The following SNAPC1 variants were observed in gnomAD, a reference collection of about 807,000 sequenced individuals.
SNAPC1 encodes the protein small nuclear RNA activating complex polypeptide 1, also known as snRNA-activating protein complex subunit 1.
A neutral mutation model predicts 50.1 loss-of-function variants in SNAPC1; 42 were observed. The observed-to-expected ratio is 0.84, with a 90% CI of 0.65 to 1.08. The LOEUF (loss-of-function observed/expected upper bound fraction) is 1.08, where lower values mean the gene tolerates loss of function less well. Ranked by LOEUF, SNAPC1 falls within the 50% of genes least tolerant of loss-of-function variation. SNAPC1 has a pLI of 0.00. For synonymous variants in SNAPC1, 164 were observed against 144.2 expected (o/e 1.14, Z -0.98); for missense variants, 477 against 427.3 (o/e 1.12, Z -1.02).
intron 4 of SNAPC1, among the ~76,000 whole-genome samples, chr14:61,772,155 A>G (rs1254680): frequency 1 from 152,229 of 152,242 alleles, 76,108 homozygotes; most frequent in Non-Finnish European, 1. Context: ...GGAGCGCAGT[A>G]GGGTGATCGT....
At chr14:61,768,544 A>G (rs1454427282) in intron 3 of SNAPC1, 92 bp from the exon 4 acceptor site, 4 of 683,042 alleles carry the variant, frequency 5.9e-6, no homozygotes, top group South Asian at 1.9e-5. Context: ...GTGTTTACTT[A>G]TAGACAATTT....
At chr14:61,767,516 T>C (rs1223806914) in intron 3 of SNAPC1, among the ~76,000 whole-genome samples, 164 bp downstream of exon 3, 1 of 151,528 alleles carries the variant, frequency 6.6e-6, no homozygotes, top group Non-Finnish European at 1.5e-5. Context: ...CAGGCTGGAG[T>C]GCAGTGGCAC....
rs1038416168 is a variant in SNAPC1, at chr14:61,778,046, T to C, written c.694-26T>C. 10 of 1,234,864 alleles carry C rather than the reference T, an allele frequency of 8.1e-6. No homozygotes were observed. In the African/African-American group the frequency reaches 1.5e-4, roughly 19 times the overall value. 76.5% of individuals were successfully genotyped at this position (1,234,864 alleles called of 1,614,324 possible). A position where few individuals can be genotyped will look rare whatever the true frequency, so the allele number is the denominator to read the frequency against. ...TTGTAAATTTGTATGTGTGTATGTG[T>C]GTATGTATCTTTTTTGCTCTTTTAG... On this transcript the variant is annotated intron_variant, in intron 5 of 9. Coordinates refer to ENST00000216294, the MANE Select transcript of SNAPC1 (RefSeq NM_003082.4).
rs71117854 is a variant in SNAPC1 at position 61,763,486 on chromosome 14, C to CTTTTT, written c.128+914_128+918dup. Among the ~76,000 whole-genome samples the CTTTTT allele has an allele frequency of 4.1e-4, 40 of 97,982 alleles. 2 individuals carry two copies. The highest frequency in any genetic ancestry group is 6.0e-4 in the African/African-American group (16 of 26,808). 64.3% of individuals were successfully genotyped at this position (97,982 alleles called of 152,430 possible). A position where few individuals can be genotyped will look rare whatever the true frequency, so the allele number is the denominator to read the frequency against. On this transcript the variant is annotated intron_variant, in intron 1 of 9. Transcript: ENST00000216294. ...ACTCACTTTCTTGCTCCAGCAGCTG[C>CTTTTT]TTTTTTTTTTTTTTTTTTTTCTTTG...
At chr14:61,789,079 A>G (rs2045134348) in intron 8 of SNAPC1, among the ~76,000 whole-genome samples, 1 of 152,126 alleles carries the variant, frequency 6.6e-6, no homozygotes, top group South Asian at 2.1e-4. Context: ...GAAAATACAA[A>G]AATTAGCTGG....
At chr14:61,787,124 G>C (rs1029390321) in intron 8 of SNAPC1, among the ~76,000 whole-genome samples, 1 of 152,210 alleles carries the variant, frequency 6.6e-6, no homozygotes, top group Non-Finnish European at 1.5e-5. Flanking sequence ...GGTTGCTACG[G>C]ACTTAGGGGT....
chr14:61,784,277 C>T (rs1251859212), intron 8 of SNAPC1, among the ~76,000 whole-genome samples: 1 of 152,056 alleles, frequency 6.6e-6, no homozygotes, highest in Admixed American at 6.6e-5. Flanking sequence ...TGAAAAAATC[C>T]TAAGTCACAT....
chr14:61,766,788 C>A, intron 1 of SNAPC1, 88 bp from the exon 2 acceptor site: 1 of 666,804 alleles, frequency 1.5e-6, no homozygotes, highest in Non-Finnish European at 2.5e-6. Flanking sequence ...CAAATTATAA[C>A]TACCGTTTAA....
At chr14:61,771,252 A>G (rs1467286538) in intron 4 of SNAPC1, among the ~76,000 whole-genome samples, 1 of 152,194 alleles carries the variant, frequency 6.6e-6, no homozygotes, top group East Asian at 1.9e-4. Context: ...AGTGTTTTTA[A>G]ACATTTTTAA....
At chr14:61,792,210 G>A (rs976591219) in intron 8 of SNAPC1, among the ~76,000 whole-genome samples, 3 of 152,164 alleles carry the variant, frequency 2.0e-5, no homozygotes, top group African/African-American at 7.2e-5. Flanking sequence ...TTGCTTTTGG[G>A]ACATGGAAAT....
intron 1 of SNAPC1, among the ~76,000 whole-genome samples, chr14:61,765,157 A>T (rs893624112): frequency 6.6e-6 from 1 of 152,240 alleles, no homozygotes; most frequent in Admixed American, 6.5e-5. Flanking sequence ...CCAAAGTGGT[A>T]AGAAGACTGT....
chr14:61,786,483 G>A (rs1284068430), intron 8 of SNAPC1, among the ~76,000 whole-genome samples: 2 of 152,064 alleles, frequency 1.3e-5, no homozygotes, highest in African/African-American at 4.8e-5. Context: ...TGAAGAAATG[G>A]CTAAAACATT....
At chr14:61,771,391 G>A (rs1443737327) in intron 4 of SNAPC1, among the ~76,000 whole-genome samples, 1 of 152,202 alleles carries the variant, frequency 6.6e-6, no homozygotes, top group African/African-American at 2.4e-5. Context: ...GTGCCTGTTT[G>A]TTGGACAGCA....
At chr14:61,777,343 C>T (rs1245739291) in intron 5 of SNAPC1, among the ~76,000 whole-genome samples, 2 of 152,166 alleles carry the variant, frequency 1.3e-5, no homozygotes, top group African/African-American at 4.8e-5. Flanking sequence ...ACACAAATGA[C>T]TTAGGCATTT....
intron 8 of SNAPC1, among the ~76,000 whole-genome samples, chr14:61,787,722 G>A (rs1341753222): frequency 1.3e-5 from 2 of 152,138 alleles, no homozygotes; most frequent in African/African-American, 4.8e-5. Context: ...TCCTAAATTT[G>A]GTTTTCAGTC....
intron 4 of SNAPC1, among the ~76,000 whole-genome samples, chr14:61,769,763 A>G (rs991269204): frequency 6.6e-6 from 1 of 152,158 alleles, no homozygotes; most frequent in Admixed American, 6.5e-5. Context: ...TTTTGATAAT[A>G]TATTTTCGTA....
At position 61,794,899 on chromosome 14, in the gene SNAPC1, T is replaced by A. The variant is rs543241609; in HGVS notation, c.1073-50T>A. Reference sequence around the variant, plus strand: ...AAGTGTCAGTTGTTTTTTTTGTTTGTTTTTTTTTTGTTTTTAGATCTGACT... The same window carrying A: ...AAGTGTCAGTTGTTTTTTTTGTTTGATTTTTTTTTGTTTTTAGATCTGACT... On this transcript the variant is annotated intron_variant, in intron 9 of 9. Transcript: ENST00000216294. 40 of 1,138,912 alleles carry A rather than the reference T, an allele frequency of 3.5e-5. No homozygotes were observed. In the South Asian group the frequency reaches 5.2e-4, roughly 15 times the overall value. The allele number at this position is 1,138,912 out of a possible 1,614,324, so 70.6% of individuals were successfully genotyped here.
Position 61,784,616 on chromosome 14 carries a change from A to G in SNAPC1, c.976+2219A>G, listed in dbSNP as rs74703083. The stretch of plus-strand genomic sequence containing the variant: ...AAGTAGCTATAGATAATACCAACAC[A>G]CACTAGTGTGGTTGTAGTCCAGTAA... On this transcript the variant is annotated intron_variant, in intron 8 of 9. Coordinates refer to ENST00000216294, the MANE Select transcript of SNAPC1 (RefSeq NM_003082.4). Among the ~76,000 whole-genome samples the G allele has an allele frequency of 5.7e-3, 868 of 152,342 alleles. 10 individuals carry two copies. The highest frequency in any genetic ancestry group is 0.02 in the African/African-American group (823 of 41,582).
chr14:61,794,161 ATGAAAT>A (rs1272003491), intron 9 of SNAPC1, among the ~76,000 whole-genome samples: 1 of 152,146 alleles, frequency 6.6e-6, no homozygotes, highest in African/African-American at 2.4e-5. Context: ...TTTAATTGAA[ATGAAAT>A]TGAAATCTTA....
Sources: gnomAD v4.1 joint callset for allele counts (sites outside exome capture counted in the v4.1 genomes callset) on GRCh38, gnomAD v4.1.1 for gene constraint, MANE v1.5 for transcripts, NCBI Gene and HGNC (gene_info 2026-07-23, HGNC 2026-07-21) for gene names.